The following POLQ variants were observed in gnomAD, a reference collection of about 807,000 sequenced individuals.
POLQ encodes the protein DNA polymerase theta, also known as epididymis secretory sperm binding protein.
A neutral mutation model predicts 259.2 loss-of-function variants in POLQ; 233 were observed. The ratio of observed to expected loss-of-function variants is 0.90; its 90% CI spans 0.81 to 1.00. The LOEUF is 1.00. POLQ is among the 50% of genes least tolerant of loss of function. The pLI, the probability that POLQ is intolerant of heterozygous loss-of-function variation, is 0.00. For synonymous variants in POLQ, 1,025 were observed against 1,048.8 expected (o/e 0.98, Z 0.44); for missense variants, 2,871 against 3,051.6 (o/e 0.94, Z 1.39).
At chr3:121,467,493 A>C in intron 24 of POLQ, 26 bp downstream of exon 24, 1 of 1,608,880 alleles carries the variant, frequency 6.2e-7, no homozygotes, top group Non-Finnish European at 8.5e-7. Context: ...AGCAATGAGA[A>C]GCTTCAAAGC....
chr3:121,485,954 TG>T (rs1388243066), intron 16 of POLQ, among the ~76,000 whole-genome samples: 4 of 152,200 alleles, frequency 2.6e-5, no homozygotes, highest in Admixed American at 2.6e-4. Flanking sequence ...ATCAAACACC[TG>T]ATTTCCACAG....
Position 121,449,429 on chromosome 3 carries a change from GA to G in POLQ, c.7153-4del, listed in dbSNP as rs1186476158. 2 of 1,422,876 alleles carry G rather than the reference GA, an allele frequency of 1.4e-6. No individual in the cohort carries two copies. Among genetic ancestry groups the G allele is most frequent in the South Asian group, 2.3e-5 (2 of 86,934 alleles). 88.1% of individuals were successfully genotyped at this position (1,422,876 alleles called of 1,614,324 possible). A position where few individuals can be genotyped will look rare whatever the true frequency, so the allele number is the denominator to read the frequency against. Reference sequence around the variant, plus strand: ...CCATAAATGATCCCATAGCAAATCTGAAAGGGAGTCATCCAACAAATAAAGG... The same window carrying G: ...CCATAAATGATCCCATAGCAAATCTGAAGGGAGTCATCCAACAAATAAAGG... On this transcript the variant is annotated splice_polypyrimidine_tract_variant and splice_region_variant and intron_variant, in intron 25 of 29. Transcript: ENST00000264233.
At chr3:121,540,322 A>C (rs1275353531) in intron 3 of POLQ, among the ~76,000 whole-genome samples, 2 of 152,192 alleles carry the variant, frequency 1.3e-5, no homozygotes, top group African/African-American at 2.4e-5. Flanking sequence ...AAATAAAAAA[A>C]CTGAGGCCCA....
Position 121,496,680 on chromosome 3 carries a change from A to G in POLQ, c.2278+128T>C, listed in dbSNP as rs1418741377. ...TAGTTTTGAATTTTCTGATGATGAC[A>G]AGAACTGTACAAAGTTTTAGCACTT... On this transcript the variant is annotated intron_variant, in intron 14 of 29. Transcript: ENST00000264233. 4.3e-6 allele frequency: 4 copies of G among 921,620 alleles called. No individual in the cohort carries two copies. In the African/African-American group the frequency reaches 6.7e-5, roughly 15 times the overall value. 57.1% of individuals were successfully genotyped at this position (921,620 alleles called of 1,614,324 possible).
Position 121,488,043 on chromosome 3 carries a change from T to C in POLQ, c.4888A>G (p.Ile1630Val), listed in dbSNP as rs768713333. The change falls in exon 16 of 30, where the codon ATA (isoleucine) becomes GTA (valine). Residue 1630 changes from isoleucine (I) to valine (V), a missense_variant. Coordinates refer to ENST00000264233, the MANE Select transcript of POLQ (RefSeq NM_199420.4). ...AGATCAAATGATGCCCCTGACCATA[T>C]GAATGAATGATTTTGCCTGGTCCCA... ...LTGTRQNHSF[I>V]WSGASFDLSP... 1.9e-6 allele frequency: 3 copies of C among 1,614,000 alleles called. No individual in the cohort carries two copies. In the East Asian group the frequency reaches 6.7e-5, roughly 36 times the overall value.
At chr3:121,526,054 T>C (rs1228863884) in intron 7 of POLQ, among the ~76,000 whole-genome samples, 2 of 152,182 alleles carry the variant, frequency 1.3e-5, no homozygotes, top group Non-Finnish European at 2.9e-5. Context: ...TAGAGTACAG[T>C]GCGTAATGAG....
chr3:121,488,087 G>A lies in POLQ; in HGVS notation c.4844C>T (p.Ala1615Val). Residue 1615 changes from alanine (A) to valine (V), a missense_variant, in exon 16 of 30, where the codon GCT becomes GTT. Physicochemically the swap from Ala to Val is moderately conservative, Grantham distance 64. Around this residue, in one of 3 missense-constraint regions of POLQ, gnomAD observed 2,080 missense variants for 2,126.0 expected, o/e 0.98. Transcript: ENST00000264233. ...GGTCCCAGTTAATTTTGATTTTTCA[G>A]CCCTTTCATCTTGATCTCCTCCATC... ...DQDGGDQDER[A>V]EKSKLTGTRQ... is the part of the protein sequence containing the mutation. 6.2e-7 allele frequency: 1 copy of A among 1,613,880 alleles called. No individual in the cohort carries two copies. The highest frequency in any genetic ancestry group is 8.5e-7 in the Non-Finnish European group (1 of 1,179,924).
At chr3:121,484,925 A>G in intron 17 of POLQ, 116 bp downstream of exon 17, 1 of 848,588 alleles carries the variant, frequency 1.2e-6, no homozygotes, top group Non-Finnish European at 1.7e-6. Flanking sequence ...AAAAAATTTA[A>G]CTCTAAAAAT....
At position 121,468,213 on chromosome 3, in the gene POLQ, AAATT is replaced by A. The variant is rs1560091614; in HGVS notation, c.6845+88_6845+91del. 2.8e-6 allele frequency: 3 copies of A among 1,090,064 alleles called. No homozygotes were observed. In the African/African-American group the frequency reaches 4.8e-5, roughly 17 times the overall value. 67.5% of individuals were successfully genotyped at this position (1,090,064 alleles called of 1,614,324 possible). On this transcript the variant is annotated intron_variant, in intron 23 of 29. Coordinates refer to ENST00000264233, the MANE Select transcript of POLQ (RefSeq NM_199420.4). ...ATGGGTATGTCTGAAACATAAAATT[AAATT>A]AATTTCATTTATTTGTCTAATAAGC...
chr3:121,537,857 A>G (rs2048461384), intron 4 of POLQ, among the ~76,000 whole-genome samples: 1 of 152,196 alleles, frequency 6.6e-6, no homozygotes, highest in Non-Finnish European at 1.5e-5. Flanking sequence ...GATATAATAC[A>G]CTATATAATA....
At chr3:121,433,081 T>C (rs557104778) in intron 28 of POLQ, 48 bp from the exon 29 acceptor site, 15 of 977,910 alleles carry the variant, frequency 1.5e-5, no homozygotes, top group Middle Eastern at 4.2e-4. Context: ...CGCTAAGTCA[T>C]AGGAGAATGT....
In POLQ at chr3:121,489,959, C is replaced by A; in HGVS notation, c.2972G>T (p.Arg991Leu). The A allele has an allele frequency of 1.3e-6, 2 of 1,579,536 alleles. No homozygotes were observed. Among genetic ancestry groups the A allele is most frequent in the South Asian group, 1.2e-5 (1 of 83,768 alleles). ...CTCTTTATTTATATCTAAAGAGGCC[C>A]GTTTTCTTGCTCTGAAAATGGAACA... ...QTCSIFRARK[R>L]ASLDINKEKP... is the part of the protein sequence containing the mutation. Residue 991 changes from arginine (R) to leucine (L), a missense_variant, in exon 16 of 30, where the codon CGG (arginine) becomes CTG (leucine). Physicochemically the swap from Arg to Leu is moderately radical, Grantham distance 102. Coordinates refer to ENST00000264233, the MANE Select transcript of POLQ (RefSeq NM_199420.4).
chr3:121,526,035 TCCTTTC>T (rs1481235844), intron 7 of POLQ, among the ~76,000 whole-genome samples: 1 of 152,198 alleles, frequency 6.6e-6, no homozygotes, highest in Non-Finnish European at 1.5e-5. Context: ...ATGTTGACAG[TCCTTTC>T]CATAGAGTAC....
intron 6 of POLQ, among the ~76,000 whole-genome samples, chr3:121,532,158 A>G (rs1391833718): frequency 1.3e-5 from 2 of 152,240 alleles, no homozygotes; most frequent in African/African-American, 4.8e-5. Flanking sequence ...GATAGGGATT[A>G]TAATATCCTA....
chr3:121,533,277 A>G, intron 5 of POLQ, 68 bp from the exon 6 acceptor site: 1 of 1,068,232 alleles, frequency 9.4e-7, no homozygotes, highest in Non-Finnish European at 1.3e-6. Context: ...GTTGCTAACA[A>G]TATTCTTGGT....
At chr3:121,441,486 G>A (rs2047592118) in intron 26 of POLQ, among the ~76,000 whole-genome samples, 1 of 152,138 alleles carries the variant, frequency 6.6e-6, no homozygotes, top group Non-Finnish European at 1.5e-5. Context: ...GAATGACACT[G>A]TATATGCTCA....
At chr3:121,452,078 C>T (rs1340258130) in intron 25 of POLQ, among the ~76,000 whole-genome samples, 19 of 152,354 alleles carry the variant, frequency 1.2e-4, no homozygotes, top group African/African-American at 4.3e-4. Flanking sequence ...ACATGGTAGC[C>T]TCCGAGTCAT....
intron 29 of POLQ, among the ~76,000 whole-genome samples, 166 bp from the exon 30 acceptor site, chr3:121,432,583 G>A (rs2047503903): frequency 6.6e-6 from 1 of 152,072 alleles, no homozygotes; most frequent in Non-Finnish European, 1.5e-5. Flanking sequence ...TAAATAAAAA[G>A]ACATCTCATA....
At chr3:121,441,627 AC>A (rs1379761103) in intron 26 of POLQ, among the ~76,000 whole-genome samples, 1 of 152,210 alleles carries the variant, frequency 6.6e-6, no homozygotes, top group Non-Finnish European at 1.5e-5. Flanking sequence ...ATTTGTTTAT[AC>A]ATTTTCCTGT....
Sources: allele counts gnomAD v4.1 joint callset (sites outside exome capture counted in the v4.1 genomes callset), GRCh38; gene constraint gnomAD v4.1.1; regional missense constraint gnomAD v4.1.1; transcripts MANE v1.5; gene names NCBI Gene and HGNC (gene_info 2026-07-23, HGNC 2026-07-21).